LTBP1: variants seen among roughly 807,000 people sequenced by gnomAD.
The protein encoded by LTBP1 is latent transforming growth factor beta binding protein 1.
LTBP1 carries 129 observed loss-of-function variants against 207.6 expected under a neutral mutation model. That is an observed-to-expected ratio of 0.62 (90% CI 0.54 to 0.72). The LOEUF (loss-of-function observed/expected upper bound fraction) is 0.72, where lower values mean the gene tolerates loss of function less well. Among genes scored for constraint, LTBP1 ranks in the 30% least tolerant of loss-of-function variants. The pLI is 0.00. For synonymous variants in LTBP1, 963 were observed against 833.7 expected, an observed-to-expected ratio of 1.16 and a Z score of -2.67; for missense variants, 2,281 against 2,217.2, an observed-to-expected ratio of 1.03 and a Z score of -0.58.
At chr2:33,175,804 C>T (rs2085974162) in intron 5 of LTBP1, among the ~76,000 whole-genome samples, 1 of 138,002 alleles carries the variant, frequency 7.2e-6, no homozygotes, top group African/African-American at 2.7e-5. Flanking sequence ...CACATGTACA[C>T]CGTGGAATAC....
intron 4 of LTBP1, among the ~76,000 whole-genome samples, chr2:33,132,804 C>T (rs539254837): frequency 1.1e-4 from 17 of 152,200 alleles, no homozygotes; most frequent in Admixed American, 4.6e-4. Context: ...AGATGACCAA[C>T]CCAGCTGATG....
At chr2:33,135,950 T>A (rs2082110930) in intron 5 of LTBP1, among the ~76,000 whole-genome samples, 1 of 152,168 alleles carries the variant, frequency 6.6e-6, no homozygotes, top group Non-Finnish European at 1.5e-5. Flanking sequence ...TGCTGTTTAG[T>A]CTTGGAAGTG....
intron 3 of LTBP1, among the ~76,000 whole-genome samples, chr2:33,101,805 G>C (rs1051306959): frequency 2.0e-5 from 3 of 152,036 alleles, no homozygotes; most frequent in African/African-American, 7.2e-5. Flanking sequence ...CTCGTTTTTT[G>C]AGAAACTCAG....
intron 4 of LTBP1, among the ~76,000 whole-genome samples, chr2:33,111,382 C>T (rs980732866): frequency 6.6e-6 from 1 of 152,174 alleles, no homozygotes; most frequent in Non-Finnish European, 1.5e-5. Flanking sequence ...CTGGAGAAAA[C>T]GTTCTGGAGT....
chr2:33,271,283 A>G (rs1352610257), intron 15 of LTBP1, among the ~76,000 whole-genome samples: 1 of 147,162 alleles, frequency 6.8e-6, no homozygotes, highest in African/African-American at 2.5e-5. Flanking sequence ...CCCTGAATAT[A>G]TTAATTCACC....
rs2095366210 is a variant in LTBP1 at position 33,397,175 on chromosome 2, G to T, written c.4877G>T (p.Gly1626Val). The T allele has an allele frequency of 2.5e-6, 4 of 1,614,080 alleles. No homozygotes were observed. Among genetic ancestry groups the T allele is most frequent in the Non-Finnish European group, 3.4e-6 (4 of 1,179,966 alleles). The change falls in exon 33 of 34, where the codon GGC (glycine) becomes GTC (valine). Residue 1626 changes from glycine (G) to valine (V), a missense_variant. By Grantham distance (109) the Gly-to-Val change is moderately radical. Around this residue, in one of 3 missense-constraint regions of LTBP1, gnomAD observed 1,671 missense variants for 1,634.8 expected, o/e 1.02. Coordinates refer to ENST00000404816, the MANE Select transcript of LTBP1 (RefSeq NM_206943.4). ...SFEELQAEEC[G>V]ILNGCENGRC... is the part of the protein sequence containing the mutation. ...GAGGAGTTACAGGCTGAGGAATGCG[G>T]CATCCTCAATGGATGTGAAAATGGT... is the stretch of plus-strand genomic sequence containing the variant.
At chr2:33,029,441 C>T (rs1306276850) in intron 3 of LTBP1, among the ~76,000 whole-genome samples, 4 of 151,918 alleles carry the variant, frequency 2.6e-5, no homozygotes, top group East Asian at 1.9e-4. Context: ...TGCGCCACTG[C>T]GCTCCAGCAT....
At chr2:33,096,410 A>T (rs995670118) in intron 3 of LTBP1, among the ~76,000 whole-genome samples, 5 of 152,322 alleles carry the variant, frequency 3.3e-5, no homozygotes, top group Middle Eastern at 6.8e-3. Context: ...AGGACACTGG[A>T]TGGGAACTCA....
chr2:33,122,242 T>G (rs987594905), intron 4 of LTBP1, among the ~76,000 whole-genome samples: 12 of 152,204 alleles, frequency 7.9e-5, no homozygotes, highest in East Asian at 5.8e-4. Flanking sequence ...GCCTCTGGTC[T>G]GCTGACCTGC....
chr2:33,363,274 C>A, intron 28 of LTBP1, 116 bp from the exon 29 acceptor site: 1 of 1,012,066 alleles, frequency 9.9e-7, no homozygotes, highest in Non-Finnish European at 1.4e-6. Flanking sequence ...GTGTAGGATT[C>A]TTTGGAATGT....
Position 33,301,518 on chromosome 2 carries a change from A to G in LTBP1, c.3359-4A>G, listed in dbSNP as rs761798187. The G allele has an allele frequency of 3.3e-5, 53 of 1,588,840 alleles. No individual in the cohort carries two copies. The South Asian group carries it at 3.8e-4, about 11-fold the overall frequency. The stretch of plus-strand genomic sequence containing the variant: ...ACAGTTTCTTTGTATTCTCTTGCTC[A>G]TAGACATTGATGAATGCCAGCACCG... On this transcript the variant is annotated splice_region_variant and splice_polypyrimidine_tract_variant and intron_variant, in intron 21 of 33. Transcript: ENST00000404816.
At chr2:33,215,263 T>C (rs1373708684) in intron 7 of LTBP1, among the ~76,000 whole-genome samples, 1 of 152,114 alleles carries the variant, frequency 6.6e-6, no homozygotes, top group Non-Finnish European at 1.5e-5. Context: ...AAAGATACTA[T>C]TATGCACTCT....
chr2:33,257,739 A>G (rs1295296282), intron 12 of LTBP1, among the ~76,000 whole-genome samples: 1 of 152,228 alleles, frequency 6.6e-6, no homozygotes, highest in African/African-American at 2.4e-5. Context: ...TAATTTTAGA[A>G]TGCTGTCCTG....
At chr2:33,251,431 C>T (rs190184817) in intron 10 of LTBP1, among the ~76,000 whole-genome samples, 6 of 152,188 alleles carry the variant, frequency 3.9e-5, no homozygotes, top group East Asian at 3.9e-4. Context: ...GAGGCCGAGG[C>T]GTGCGGATCA....
At chr2:33,254,851 GGTTTTTTTTT>G (rs1412965312) in intron 11 of LTBP1, among the ~76,000 whole-genome samples, 32 of 7,050 alleles carry the variant, frequency 4.5e-3, no homozygotes, top group African/African-American at 0.028. Flanking sequence ...TGCGGTGTTT[GGTTTTTTTTT>G]TTTTTTTTTT....
intron 2 of LTBP1, among the ~76,000 whole-genome samples, chr2:32,976,172 T>C (rs1681744330): frequency 6.6e-6 from 1 of 152,226 alleles, no homozygotes; most frequent in South Asian, 2.1e-4. Context: ...CTGTGTGCTC[T>C]AATTCTGTGG....
chr2:33,004,675 T>C (rs1686518823), intron 2 of LTBP1, among the ~76,000 whole-genome samples: 1 of 150,466 alleles, frequency 6.6e-6, no homozygotes, highest in South Asian at 2.1e-4. Flanking sequence ...CTCAGGAGGC[T>C]GAGGCAGGAG....
At chr2:33,388,889 T>C (rs1388594298) in intron 31 of LTBP1, among the ~76,000 whole-genome samples, 1 of 152,248 alleles carries the variant, frequency 6.6e-6, no homozygotes, top group African/African-American at 2.4e-5. Context: ...CACTCTCAGA[T>C]GGCTCCGTTT....
At chr2:33,183,308 T>A (rs1243705613) in intron 5 of LTBP1, among the ~76,000 whole-genome samples, 8 of 152,214 alleles carry the variant, frequency 5.3e-5, no homozygotes, top group Non-Finnish European at 4.4e-5. Flanking sequence ...TTGTAAAATG[T>A]CCTGTGATTT....
Sources: gnomAD v4.1 joint callset for allele counts (sites outside exome capture counted in the v4.1 genomes callset) on GRCh38, gnomAD v4.1.1 for gene constraint, gnomAD v4.1.1 regional missense constraint, MANE v1.5 for transcripts, NCBI Gene and HGNC (gene_info 2026-07-23, HGNC 2026-07-21) for gene names.